Variants in CFH observed in about 807,000 individuals in gnomAD.
CFH encodes H factor 1 (complement).
CFH carries 53 observed loss-of-function variants against 147.3 expected under a neutral mutation model. That is an observed-to-expected ratio of 0.36 (90% CI 0.29 to 0.45). The LOEUF (loss-of-function observed/expected upper bound fraction) is 0.45. CFH is among the 20% of genes least tolerant of loss of function. The pLI is 1.00. For missense variants in CFH, 1,380 were observed against 1,498.0 expected, an observed-to-expected ratio of 0.92 and a Z score of 1.30; for synonymous variants, 536 against 489.4, an observed-to-expected ratio of 1.10 and a Z score of -1.26.
chr1:196,737,852 A>G (rs1325575788), intron 17 of CFH, among the ~76,000 whole-genome samples, 192 bp downstream of exon 17: 1 of 152,174 alleles, frequency 6.6e-6, no homozygotes. Context: ...TGATAGAGTC[A>G]CTTTGTATTC....
At chr1:196,689,362 T>C in intron 7 of CFH, 58 bp from the exon 8 acceptor site, 2 of 1,437,232 alleles carry the variant, frequency 1.4e-6, no homozygotes, top group Non-Finnish European at 1.9e-6. Context: ...TTATCTCTAA[T>C]ATGAGTGTTT....
intron 9 of CFH, among the ~76,000 whole-genome samples, chr1:196,701,165 G>C (rs570769353): frequency 9.1e-4 from 138 of 152,236 alleles, no homozygotes; most frequent in African/African-American, 3.2e-3. Flanking sequence ...GTTTGTGGAG[G>C]GGATCCCTGA....
intron 9 of CFH, among the ~76,000 whole-genome samples, chr1:196,710,002 A>G (rs1668686410): frequency 6.6e-6 from 1 of 150,402 alleles, no homozygotes; most frequent in Non-Finnish European, 1.5e-5. Context: ...GAGCAAGATC[A>G]TCTTGCTCAA....
rs1667976182 is a variant in CFH at position 196,690,187 on chromosome 1, A to G, written c.1284A>G (p.Thr428=). Residue 428 remains threonine (T), a synonymous_variant, in exon 9 of 22, where the codon ACA becomes ACG. Transcript: ENST00000367429. ...PGYALPKAQT[T]VTCMENGWSP... ...ACGCTCTTCCAAAAGCGCAGACCAC[A>G]GTTACATGTATGGAGAATGGCTGGT... 1 of 1,613,334 alleles carries G rather than the reference A, an allele frequency of 6.2e-7. No homozygotes were observed. Among genetic ancestry groups the G allele is most frequent in the Admixed American group, 1.7e-5 (1 of 59,858 alleles).
intron 9 of CFH, among the ~76,000 whole-genome samples, chr1:196,694,545 G>A (rs1163094588): frequency 2.0e-5 from 3 of 152,160 alleles, no homozygotes; most frequent in Non-Finnish European, 4.4e-5. Context: ...GGGTCAAATG[G>A]TATCTCTGGT....
chr1:196,746,291 A>G (rs1407901186), intron 21 of CFH, among the ~76,000 whole-genome samples: 2 of 152,122 alleles, frequency 1.3e-5, no homozygotes, highest in African/African-American at 4.8e-5. Context: ...CTAAAAATAC[A>G]AAATAATAAT....
rs1667475698 is a variant in CFH at position 196,676,899 on chromosome 1, T to A, written c.428-577T>A. ...ACCTACTGAATCAGTATCTTTGGGG[T>A]GAGCATGCAGGAAGATAGCCCTAAA... is the stretch of plus-strand genomic sequence containing the variant. On this transcript the variant is annotated intron_variant, in intron 4 of 21. Transcript: ENST00000367429. The A allele has an allele frequency of 2.6e-5, 4 of 152,496 alleles. No homozygotes were observed. The South Asian group carries it at 8.2e-4, about 31-fold the overall frequency. 9.4% of individuals were successfully genotyped at this position (152,496 alleles called of 1,614,324 possible).
chr1:196,691,339 T>C (rs1234777792), intron 9 of CFH, among the ~76,000 whole-genome samples: 1 of 152,164 alleles, frequency 6.6e-6, no homozygotes, highest in Non-Finnish European at 1.5e-5. Flanking sequence ...TTCTGAGATC[T>C]TGTGCATATT....
intron 1 of CFH, among the ~76,000 whole-genome samples, chr1:196,669,745 A>G (rs1294380325): frequency 6.6e-6 from 1 of 152,208 alleles, no homozygotes; most frequent in Non-Finnish European, 1.5e-5. Context: ...AGCAAGGGAA[A>G]TGTAGGATTG....
intron 1 of CFH, among the ~76,000 whole-genome samples, chr1:196,659,719 GC>G (rs1666839812): frequency 6.6e-6 from 1 of 152,154 alleles, no homozygotes; most frequent in African/African-American, 2.4e-5. Flanking sequence ...AACTGTCATA[GC>G]ACACTGGTCT....
intron 9 of CFH, among the ~76,000 whole-genome samples, chr1:196,702,247 G>A (rs1038904325): frequency 1.3e-5 from 2 of 151,954 alleles, no homozygotes; most frequent in Non-Finnish European, 2.9e-5. Flanking sequence ...GGGGCAACAG[G>A]TATGATCTCT....
At chr1:196,672,308 A>G (rs915502964) in intron 1 of CFH, among the ~76,000 whole-genome samples, 1 of 152,146 alleles carries the variant, frequency 6.6e-6, no homozygotes, top group Admixed American at 6.6e-5. Context: ...GGTCCTTCCT[A>G]CTTGTGTTTT....
intron 1 of CFH, among the ~76,000 whole-genome samples, chr1:196,669,916 C>A (rs986813779): frequency 6.6e-6 from 1 of 152,166 alleles, no homozygotes. Flanking sequence ...GTAGCCAGGG[C>A]AGGGGGCCAT....
At chr1:196,726,394 ATCTT>A (rs1490851812) in intron 12 of CFH, 72 bp from the exon 13 acceptor site, 3 of 1,153,722 alleles carry the variant, frequency 2.6e-6, no homozygotes, top group Non-Finnish European at 3.8e-6. Flanking sequence ...AAAGAAGAAA[ATCTT>A]TCCATTTTAC....
At chr1:196,655,275 C>A (rs1666649284) in intron 1 of CFH, among the ~76,000 whole-genome samples, 1 of 152,024 alleles carries the variant, frequency 6.6e-6, no homozygotes, top group East Asian at 1.9e-4. Flanking sequence ...TAGGACAGAT[C>A]TGCTGGTTGA....
chr1:196,714,696 GAGAGA>G lies in CFH; in HGVS notation c.1519+780_1519+784del, dbSNP rs1558173541. Among the ~76,000 whole-genome samples, 31 of 118,956 alleles carry G rather than the reference GAGAGA, an allele frequency of 2.6e-4. 2 individuals carry two copies. Among genetic ancestry groups the G allele is most frequent in the African/African-American group, 9.4e-4 (29 of 30,696 alleles). 78.0% of individuals were successfully genotyped at this position (118,956 alleles called of 152,430 possible). A position where few individuals can be genotyped will look rare whatever the true frequency, so the allele number is the denominator to read the frequency against. On this transcript the variant is annotated intron_variant, in intron 10 of 21. Transcript: ENST00000367429. ...AGAGAGAGAGAGAGAGAGAGAGAGA[GAGAGA>G]GAGAGAGAGAGAGAGAGATGGAGTC...
At chr1:196,733,233 C>T (rs2149111387) in intron 15 of CFH, among the ~76,000 whole-genome samples, 1 of 152,130 alleles carries the variant, frequency 6.6e-6, no homozygotes, top group East Asian at 1.9e-4. Flanking sequence ...TGTGCAAGCT[C>T]GATAGAGGCC....
intron 9 of CFH, chr1:196,701,449 ATC>A (rs1668447166): frequency 1.4e-6 from 2 of 1,462,006 alleles, no homozygotes; most frequent in Middle Eastern, 1.8e-4. Flanking sequence ...GGTGACTAGT[ATC>A]TGTTTTGTTA....
intron 9 of CFH, among the ~76,000 whole-genome samples, chr1:196,690,741 A>G (rs545726502): frequency 1.6e-4 from 25 of 152,268 alleles, no homozygotes; most frequent in Non-Finnish European, 3.2e-4. Context: ...TTGAGGAAGC[A>G]GTGTCTGATT....
Sources: allele counts gnomAD v4.1 joint callset (sites outside exome capture counted in the v4.1 genomes callset), GRCh38; gene constraint gnomAD v4.1.1; transcripts MANE v1.5; gene names NCBI Gene and HGNC (gene_info 2026-07-23, HGNC 2026-07-21).